ASAP1: variants seen among roughly 807,000 people sequenced by gnomAD.
ASAP1 encodes ArfGAP with SH3 domain, ankyrin repeat and PH domain 1, also known as arf-GAP with SH3 domain, ANK repeat and PH domain-containing protein 1.
In ASAP1, 43 loss-of-function variants were observed where a neutral mutation model predicts 145.2. That is an observed-to-expected ratio of 0.30 (90% CI 0.23 to 0.38). The LOEUF (loss-of-function observed/expected upper bound fraction) is 0.38. Ranked by LOEUF, ASAP1 falls within the 10% of genes least tolerant of loss-of-function variation. The pLI, the probability that ASAP1 is intolerant of heterozygous loss-of-function variation, is 1.00. For synonymous variants in ASAP1, 546 were observed against 515.5 expected (o/e 1.06, Z -0.80); for missense variants, 1,018 against 1,355.3 (o/e 0.75, Z 3.91).
chr8:130,280,242 T>C (rs974572727), intron 3 of ASAP1, among the ~76,000 whole-genome samples: 1 of 152,242 alleles, frequency 6.6e-6, no homozygotes, highest in African/African-American at 2.4e-5. Flanking sequence ...CTACCTTTAC[T>C]TCTCATATGG....
chr8:130,069,887 C>G (rs2097438758), intron 27 of ASAP1, among the ~76,000 whole-genome samples: 1 of 152,148 alleles, frequency 6.6e-6, no homozygotes, highest in Admixed American at 6.5e-5. Flanking sequence ...TGGCTCAACC[C>G]TTGGCAGAAG....
At chr8:130,128,172 C>CA (rs1357987830) in intron 15 of ASAP1, 82 bp from the exon 16 acceptor site, 8,697 of 408,468 alleles carry the variant, frequency 0.021, no homozygotes, top group Middle Eastern at 0.024. Context: ...TTTGCCACTG[C>CA]AAAAAAAAAA....
rs2097648621 is a variant in ASAP1, at chr8:130,152,499, A to T, written c.1080+237T>A. ...ATTTCCCAAAAGATAATATTATGAAATCAAAATACCGTATTCATTTTGAGA... is the reference window on the plus strand; with the variant it reads ...ATTTCCCAAAAGATAATATTATGAATTCAAAATACCGTATTCATTTTGAGA... On this transcript the variant is annotated intron_variant, in intron 13 of 29. Coordinates refer to ENST00000518721, the MANE Select transcript of ASAP1 (RefSeq NM_018482.4). 1.2e-5 allele frequency: 4 copies of T among 339,704 alleles called. No individual in the cohort carries two copies. The East Asian group carries it at 1.8e-4, about 15-fold the overall frequency. 21.0% of individuals were successfully genotyped at this position (339,704 alleles called of 1,614,324 possible). A position where few individuals can be genotyped will look rare whatever the true frequency, so the allele number is the denominator to read the frequency against.
At chr8:130,406,200 ACAGAG>A (rs983153292) in intron 1 of ASAP1, among the ~76,000 whole-genome samples, 4 of 152,210 alleles carry the variant, frequency 2.6e-5, no homozygotes, top group African/African-American at 9.7e-5. Context: ...CTGCCTAAAG[ACAGAG>A]CAAAGAACAA....
chr8:130,088,130 A>G (rs970300369), intron 25 of ASAP1, among the ~76,000 whole-genome samples: 2 of 152,132 alleles, frequency 1.3e-5, no homozygotes, highest in African/African-American at 4.8e-5. Flanking sequence ...ATCTTGAGAC[A>G]AGGAGATTAT....
At chr8:130,340,419 A>C (rs763989823) in intron 3 of ASAP1, among the ~76,000 whole-genome samples, 1 of 152,180 alleles carries the variant, frequency 6.6e-6, no homozygotes, top group South Asian at 2.1e-4. Context: ...CCTGGGCAAT[A>C]ATTTATGTTG....
chr8:130,138,336 G>A (rs1037867445), intron 13 of ASAP1, among the ~76,000 whole-genome samples: 6 of 152,122 alleles, frequency 3.9e-5, no homozygotes, highest in Non-Finnish European at 8.8e-5. Flanking sequence ...ATTCCAAAGC[G>A]AACTGCTTTA....
intron 3 of ASAP1, among the ~76,000 whole-genome samples, chr8:130,320,292 T>C (rs79830692): frequency 6.6e-6 from 1 of 152,154 alleles, no homozygotes; most frequent in African/African-American, 2.4e-5. Context: ...ACAGTGGCTG[T>C]CGCCTGTAAT....
In ASAP1 at chr8:130,182,686, G is replaced by A. The variant is rs1002644435; in HGVS notation, c.531-1806C>T. 4.6e-5 allele frequency among the ~76,000 whole-genome samples: 7 copies of A among 152,088 alleles called. No homozygotes were observed. The East Asian group carries it at 1.3e-3, about 29-fold the overall frequency. On this transcript the variant is annotated intron_variant, in intron 7 of 29. Transcript: ENST00000518721. ...TTATAAGTCTCCAAAATGAAAGTGA[G>A]AGTGAAAGTATTAATAACAAAAGGG...
intron 25 of ASAP1, among the ~76,000 whole-genome samples, chr8:130,090,206 T>C (rs1381917757): frequency 6.6e-6 from 1 of 152,174 alleles, no homozygotes; most frequent in Non-Finnish European, 1.5e-5. Flanking sequence ...ATTTGGTAAA[T>C]TTATTTGAGG....
intron 3 of ASAP1, among the ~76,000 whole-genome samples, chr8:130,337,995 G>A (rs1016656382): frequency 2.6e-5 from 4 of 152,148 alleles, no homozygotes; most frequent in African/African-American, 7.2e-5. Context: ...CACAACAATC[G>A]TTGAAATACA....
chr8:130,338,011 C>T (rs747961906), intron 3 of ASAP1, among the ~76,000 whole-genome samples: 2 of 152,152 alleles, frequency 1.3e-5, no homozygotes, highest in Non-Finnish European at 2.9e-5. Context: ...ATACATATTA[C>T]ACTCATTTTA....
intron 26 of ASAP1, among the ~76,000 whole-genome samples, chr8:130,078,370 C>G (rs76185688): frequency 4.5e-4 from 69 of 152,142 alleles, no homozygotes; most frequent in African/African-American, 1.5e-3. Flanking sequence ...TCATGACTCA[C>G]TGCAGCCTCA....
chr8:130,345,096 T>TC (rs1308873366), intron 3 of ASAP1, among the ~76,000 whole-genome samples: 1 of 152,194 alleles, frequency 6.6e-6, no homozygotes, highest in Admixed American at 6.5e-5. Context: ...TGAGCCCGTT[T>TC]CCTCATCTGT....
intron 1 of ASAP1, among the ~76,000 whole-genome samples, chr8:130,438,345 G>A (rs970686243): frequency 6.6e-6 from 1 of 152,202 alleles, no homozygotes; most frequent in African/African-American, 2.4e-5. Flanking sequence ...TAAGGACTCA[G>A]ACGGATCTGT....
rs2097418455 is a variant in ASAP1 at position 130,061,041 on chromosome 8, G to C, written c.2730C>G (p.Ser910=). ...CGGGCGGGATGGTGGCTTTGTCTAGGGAGAGATGATCTGTTTTCCTTAGTG... is the reference window on the plus strand; with the variant it reads ...CGGGCGGGATGGTGGCTTTGTCTAGCGAGAGATGATCTGTTTTCCTTAGTG... The part of the protein sequence containing the change: ...KVALRKTDHL[S]LDKATIPPEI... Residue 910 remains serine, a synonymous_variant, in exon 28 of 30, where the codon TCC becomes TCG. Transcript: ENST00000518721. 6.5e-7 allele frequency: 1 copy of C among 1,531,736 alleles called. No homozygotes were observed. The highest frequency in any genetic ancestry group is 2.2e-5 in the Admixed American group (1 of 45,834). The allele number at this position is 1,531,736 out of a possible 1,614,324, so 94.9% of individuals were successfully genotyped here. A position where few individuals can be genotyped will look rare whatever the true frequency, so the allele number is the denominator to read the frequency against.
chr8:130,062,010 A>T (rs2097420603), intron 27 of ASAP1, among the ~76,000 whole-genome samples: 1 of 152,336 alleles, frequency 6.6e-6, no homozygotes, highest in East Asian at 1.9e-4. Context: ...ACCCTACTTC[A>T]AAGGGTTGGC....
intron 27 of ASAP1, among the ~76,000 whole-genome samples, chr8:130,068,340 C>T (rs375273415): frequency 9.2e-5 from 14 of 152,202 alleles, no homozygotes; most frequent in African/African-American, 1.7e-4. Context: ...GAGAAAATTA[C>T]GCAGGGACAA....
Position 130,060,770 on chromosome 8 carries a change from T to C in ASAP1, c.3001A>G (p.Lys1001Glu). 6.2e-7 allele frequency: 1 copy of C among 1,614,150 alleles called. No homozygotes were observed. Among genetic ancestry groups the C allele is most frequent in the Non-Finnish European group, 8.5e-7 (1 of 1,180,036 alleles). ...PKPQLGDLLA[K>E]SQTGDVSPKA... ...GGTGAGACATCTCCAGTCTGGGATT[T>C]TGCTAGCAGGTCTCCCAGCTGTGGT... The change falls in exon 28 of 30, where the codon AAA becomes GAA. Residue 1001 changes from lysine to glutamate, a missense_variant. Lys to Glu is a moderately conservative substitution (Grantham distance 56, BLOSUM62 1). Transcript: ENST00000518721.
Sources: allele counts gnomAD v4.1 joint callset (sites outside exome capture counted in the v4.1 genomes callset), GRCh38; gene constraint gnomAD v4.1.1; transcripts MANE v1.5; gene names NCBI Gene and HGNC (gene_info 2026-07-23, HGNC 2026-07-21).